The following HSD17B12 variants were observed in gnomAD, a reference collection of about 807,000 sequenced individuals.
The protein encoded by HSD17B12 is very-long-chain 3-oxoacyl-CoA reductase.
A neutral mutation model predicts 39.3 loss-of-function variants in HSD17B12; 32 were observed. The observed-to-expected ratio is 0.81, with a 90% CI of 0.61 to 1.09. The LOEUF is 1.09. Among genes scored for constraint, HSD17B12 ranks in the 50% least tolerant of loss-of-function variants. The pLI is 0.00. For missense variants in HSD17B12, 342 were observed against 382.9 expected (o/e 0.89, Z 0.89); for synonymous variants, 150 against 146.7 (o/e 1.02, Z -0.16).
chr11:43,750,487 G>A (rs1950455877), intron 1 of HSD17B12, among the ~76,000 whole-genome samples: 1 of 151,638 alleles, frequency 6.6e-6, no homozygotes, highest in Non-Finnish European at 1.5e-5. Flanking sequence ...TTATTCTTCT[G>A]TCGATTAATA....
chr11:43,647,048 G>A, the HSD17B12 span, among the ~76,000 whole-genome samples: 1 of 152,154 alleles, frequency 6.6e-6, no homozygotes, highest in Admixed American at 6.5e-5. Flanking sequence ...TGACTAAGGT[G>A]TTATAAAATG....
At chr11:43,602,900 C>G in the HSD17B12 span, among the ~76,000 whole-genome samples, 1 of 151,904 alleles carries the variant, frequency 6.6e-6, no homozygotes, top group Non-Finnish European at 1.5e-5. Context: ...AGGCTTTAGG[C>G]TCAATACTAG....
chr11:43,830,244 T>TACAGCC (rs1374078245), intron 6 of HSD17B12: 1 of 152,228 alleles, frequency 6.6e-6, no homozygotes, highest in Non-Finnish European at 1.5e-5. Flanking sequence ...AAATTCACGT[T>TACAGCC]ACAGCCTCGG....
At chr11:43,839,156 G>A (rs1463872092) in intron 8 of HSD17B12, among the ~76,000 whole-genome samples, 1 of 152,044 alleles carries the variant, frequency 6.6e-6, no homozygotes, top group Non-Finnish European at 1.5e-5. Context: ...AATATGTACA[G>A]TAAGAACTTG....
At chr11:43,602,041 G>A in the HSD17B12 span, among the ~76,000 whole-genome samples, 3 of 152,222 alleles carry the variant, frequency 2.0e-5, no homozygotes, top group South Asian at 6.2e-4. Context: ...GGTGAACTTT[G>A]CTGTTATTTC....
chr11:43,801,377 C>T (rs916182653), intron 4 of HSD17B12, among the ~76,000 whole-genome samples: 12 of 151,788 alleles, frequency 7.9e-5, no homozygotes, highest in Non-Finnish European at 1.2e-4. Context: ...ATGAAGTAGA[C>T]GAAGCAAGAC....
chr11:43,815,839 T>C (rs1278229632), intron 5 of HSD17B12, among the ~76,000 whole-genome samples: 1 of 152,232 alleles, frequency 6.6e-6, no homozygotes, highest in Non-Finnish European at 1.5e-5. Context: ...TTTATGATTC[T>C]AAACATCAAC....
At chr11:43,677,595 C>T (rs546109433), upstream of HSD17B12, among the ~76,000 whole-genome samples, 35 of 152,278 alleles carry the variant, frequency 2.3e-4, no homozygotes, top group African/African-American at 7.9e-4. Flanking sequence ...TCCCCACCCC[C>T]CCACCACCCC....
chr11:43,850,821 G>T (rs1565112860), intron 9 of HSD17B12, among the ~76,000 whole-genome samples: 1 of 152,218 alleles, frequency 6.6e-6, no homozygotes, highest in East Asian at 1.9e-4. Context: ...CCAGCACTTG[G>T]GAGGCTGAGG....
chr11:43,819,146 T>G (rs1951157963), intron 6 of HSD17B12, among the ~76,000 whole-genome samples: 2 of 152,238 alleles, frequency 1.3e-5, no homozygotes, highest in African/African-American at 4.8e-5. Context: ...AGATTAGTCT[T>G]CTGATAATTT....
the HSD17B12 span, among the ~76,000 whole-genome samples, chr11:43,578,325 TAGTGACC>T: frequency 6.6e-6 from 1 of 152,152 alleles, no homozygotes. Flanking sequence ...CCTCTGGCTT[TAGTGACC>T]TGACCCCGAT....
At chr11:43,647,957 G>T in the HSD17B12 span, among the ~76,000 whole-genome samples, 1,022 of 152,150 alleles carry the variant, frequency 6.7e-3, 1 homozygote, top group Non-Finnish European at 0.012. Flanking sequence ...TCAGAGTATT[G>T]GATGATTTTT....
the HSD17B12 span, among the ~76,000 whole-genome samples, chr11:43,575,021 G>T: frequency 6.6e-6 from 1 of 152,214 alleles, no homozygotes; most frequent in African/African-American, 2.4e-5. The surrounding 1 kb of genome is among the most constrained non-coding windows in gnomAD (Gnocchi z 4.1). Context: ...GCTCCCCACC[G>T]CCAGAACTGA....
intron 1 of HSD17B12, among the ~76,000 whole-genome samples, chr11:43,706,724 T>TGTGTGTGTGTGTTGG (rs1204580097): frequency 3.7e-5 from 3 of 80,346 alleles, no homozygotes; most frequent in Non-Finnish European, 5.9e-5. Flanking sequence ...GTGTGTGTTG[T>TGTGTGTGTGTGTTGG]GGGGGGTGGG....
At chr11:43,820,787 T>G (rs1951174942) in intron 6 of HSD17B12, among the ~76,000 whole-genome samples, 1 of 152,232 alleles carries the variant, frequency 6.6e-6, no homozygotes, top group Admixed American at 6.5e-5. Context: ...GCCTTGTGAC[T>G]TTGGGCTTGT....
intron 1 of HSD17B12, among the ~76,000 whole-genome samples, chr11:43,700,904 G>A (rs1007137966): frequency 6.6e-6 from 1 of 152,246 alleles, no homozygotes; most frequent in East Asian, 1.9e-4. Flanking sequence ...TTCTGAGAAA[G>A]CTCCAAACTG....
intron 3 of HSD17B12, among the ~76,000 whole-genome samples, chr11:43,762,366 TG>T (rs1240767007): frequency 6.6e-6 from 1 of 152,208 alleles, no homozygotes; most frequent in East Asian, 1.9e-4. Context: ...GTGGCAATGT[TG>T]GGTTACACTG....
chr11:43,681,097 C>G, intron 1 of HSD17B12, 110 bp downstream of exon 1: 1 of 1,426,540 alleles, frequency 7.0e-7, no homozygotes, highest in Middle Eastern at 2.6e-4. Flanking sequence ...CCCAGCTCTC[C>G]TCTTTCTCAG....
the HSD17B12 span, among the ~76,000 whole-genome samples, chr11:43,673,667 G>T: frequency 0.065 from 1,073 of 16,444 alleles, 10 homozygotes; most frequent in African/African-American, 0.11. Context: ...AGTTTTGTTT[G>T]TTTGTTTGTT....
Sources: gnomAD v4.1 joint callset for allele counts (sites outside exome capture counted in the v4.1 genomes callset) on GRCh38, gnomAD v4.1.1 for gene constraint, Gnocchi (gnomAD v3.1) non-coding constraint, MANE v1.5 for transcripts, NCBI Gene and HGNC (gene_info 2026-07-23, HGNC 2026-07-21) for gene names.